Variants in AGBL1 observed in about 807,000 individuals in gnomAD.
AGBL1 encodes cytosolic carboxypeptidase 4.
Under a neutral mutation model 118.9 loss-of-function variants are expected in AGBL1, and 130 were observed. The ratio of observed to expected loss-of-function variants is 1.09; its 90% CI spans 0.95 to 1.26. AGBL1 has a LOEUF of 1.26. AGBL1 is among the 50% of genes most tolerant of loss of function. The pLI is 0.00. For missense variants in AGBL1, 1,584 were observed against 1,298.1 expected (o/e 1.22, Z -3.38); for synonymous variants, 555 against 478.9 (o/e 1.16, Z -2.08).
intron 17 of AGBL1, among the ~76,000 whole-genome samples, chr15:86,343,670 G>T (rs1022414204): frequency 2.6e-5 from 4 of 152,204 alleles, no homozygotes; most frequent in African/African-American, 9.7e-5. Flanking sequence ...ATTGGGAGAG[G>T]AGGGGAAGGC....
rs2076968885 is a variant in AGBL1 at position 86,141,954 on chromosome 15, A to G, written c.52-50A>G. ...TTCCATGTACATCCCTGATCATCCA[A>G]CTCCTTCCTCTTGCATTCTTAAATA... On this transcript the variant is annotated intron_variant, in intron 1 of 22. Coordinates refer to ENST00000614907, the MANE Select transcript of AGBL1 (RefSeq NM_001386094.1). The G allele has an allele frequency of 9.9e-6, 15 of 1,517,240 alleles. No individual in the cohort carries two copies. The Admixed American group carries it at 1.2e-4, about 12-fold the overall frequency. The allele number at this position is 1,517,240 out of a possible 1,614,324, so 94.0% of individuals were successfully genotyped here.
intron 17 of AGBL1, among the ~76,000 whole-genome samples, chr15:86,375,778 T>C (rs1472071372): frequency 1.3e-5 from 2 of 152,196 alleles, no homozygotes; most frequent in East Asian, 3.9e-4. Flanking sequence ...AGTTACTTTA[T>C]AGTTTACTGA....
chr15:86,791,728 T>TATATATATATATATATATATATA (rs1177264209), intron 22 of AGBL1, among the ~76,000 whole-genome samples: 1 of 142,872 alleles, frequency 7.0e-6, no homozygotes, highest in South Asian at 2.2e-4. Flanking sequence ...TCCTTGTTTT[T>TATATATATATATATATATATATA]TATATATATA....
At position 86,143,860 on chromosome 15, in the gene AGBL1, A is replaced by G. The variant is rs769546280; in HGVS notation, c.262+15A>G. On this transcript the variant is annotated intron_variant, in intron 3 of 22. Coordinates refer to ENST00000614907, the MANE Select transcript of AGBL1 (RefSeq NM_001386094.1). ...TGGCCTAAGAGGTACTCGTACTCCA[A>G]GACCTAAAGCTGACTGAAAAGGCAC... The G allele has an allele frequency of 1.2e-6, 2 of 1,612,814 alleles. No homozygotes were observed. Among genetic ancestry groups the G allele is most frequent in the South Asian group, 2.2e-5 (2 of 90,938 alleles).
chr15:86,974,454 T>G (rs1367481903), intron 23 of AGBL1, among the ~76,000 whole-genome samples: 2 of 129,050 alleles, frequency 1.5e-5, no homozygotes, highest in Non-Finnish European at 3.2e-5. Context: ...ATTTTATATA[T>G]TGAATATAAA....
intron 17 of AGBL1, among the ~76,000 whole-genome samples, chr15:86,389,806 G>A (rs1482169673): frequency 2.6e-5 from 4 of 151,678 alleles, no homozygotes; most frequent in Admixed American, 6.6e-5. Context: ...GGAGAAAAAA[G>A]AAACAATGGG....
intron 18 of AGBL1, among the ~76,000 whole-genome samples, chr15:86,419,524 C>T (rs1375756321): frequency 1.3e-5 from 2 of 151,924 alleles, no homozygotes; most frequent in East Asian, 3.9e-4. Flanking sequence ...AAGCACAAAA[C>T]TGGGTGGCTG....
chr15:86,500,809 A>G (rs979823428), intron 18 of AGBL1, among the ~76,000 whole-genome samples: 11 of 151,744 alleles, frequency 7.2e-5, no homozygotes, highest in Non-Finnish European at 1.6e-4. Flanking sequence ...GGTTTCATCT[A>G]TGGTGTTGAA....
At chr15:86,135,260 T>C (rs1263688797) in intron 1 of AGBL1, among the ~76,000 whole-genome samples, 4 of 152,212 alleles carry the variant, frequency 2.6e-5, no homozygotes, top group Non-Finnish European at 5.9e-5. Flanking sequence ...TCCTCTTGCC[T>C]CATACCATGA....
chr15:86,224,723 G>A (rs540860405), intron 5 of AGBL1, among the ~76,000 whole-genome samples, 191 bp from the exon 6 acceptor site: 1 of 152,208 alleles, frequency 6.6e-6, no homozygotes, highest in African/African-American at 2.4e-5. Context: ...TCTACAAGAC[G>A]GACACTTCGC....
At chr15:86,917,872 A>AG (rs397937633), downstream of AGBL1, among the ~76,000 whole-genome samples, 1 of 151,820 alleles carries the variant, frequency 6.6e-6, no homozygotes, top group African/African-American at 2.4e-5. This position sits in a 1 kb window ranked among gnomAD's most constrained non-coding sequence, Gnocchi z 4.8. Context: ...CTCATAAAAA[A>AG]GTGATGTCCA....
intron 17 of AGBL1, among the ~76,000 whole-genome samples, chr15:86,369,572 A>G (rs1263946918): frequency 2.6e-5 from 4 of 152,186 alleles, no homozygotes; most frequent in Admixed American, 1.3e-4. Flanking sequence ...GTATGTAACC[A>G]GTAATACCAA....
chr15:87,025,931 G>A (rs149710613), intron 24 of AGBL1, among the ~76,000 whole-genome samples: 1 of 152,150 alleles, frequency 6.6e-6, no homozygotes, highest in Non-Finnish European at 1.5e-5. Flanking sequence ...TCAACAAATG[G>A]TGCTGGGATA....
intron 21 of AGBL1, among the ~76,000 whole-genome samples, chr15:86,656,074 C>A (rs1364889786): frequency 6.6e-6 from 1 of 152,078 alleles, no homozygotes; most frequent in African/African-American, 2.4e-5. Flanking sequence ...TGCTTCCAGG[C>A]CCTTTTCTGC....
chr15:86,236,952 CG>C (rs1398987301), intron 6 of AGBL1, among the ~76,000 whole-genome samples: 23 of 10,270 alleles, frequency 2.2e-3, no homozygotes, highest in Non-Finnish European at 3.2e-3. Flanking sequence ...CGGGGGGGGG[CG>C]GGGGGGCGCC....
At chr15:86,948,468 T>C (rs1051754837) in intron 23 of AGBL1, among the ~76,000 whole-genome samples, 2 of 152,204 alleles carry the variant, frequency 1.3e-5, no homozygotes, top group Non-Finnish European at 2.9e-5. Context: ...AATGAATCTA[T>C]TTAAAAAAGG....
At chr15:86,630,399 G>C (rs2084945570) in intron 21 of AGBL1, 1 of 152,230 alleles carries the variant, frequency 6.6e-6, no homozygotes, top group Non-Finnish European at 1.5e-5. Context: ...ATGGAATGGA[G>C]AGCCAGAGTG....
intron 18 of AGBL1, among the ~76,000 whole-genome samples, chr15:86,456,516 C>T (rs940649487): frequency 6.6e-6 from 1 of 152,138 alleles, no homozygotes; most frequent in African/African-American, 2.4e-5. Context: ...AGAAAAACCT[C>T]TAACTATTGT....
At chr15:86,954,161 C>G (rs748472071) in intron 23 of AGBL1, among the ~76,000 whole-genome samples, 18 of 152,236 alleles carry the variant, frequency 1.2e-4, no homozygotes, top group Middle Eastern at 3.4e-3. Context: ...TCTGGTGAGG[C>G]TGCAGAGAAA....
Sources: allele counts gnomAD v4.1 joint callset (sites outside exome capture counted in the v4.1 genomes callset), GRCh38; gene constraint gnomAD v4.1.1; non-coding constraint Gnocchi (gnomAD v3.1); transcripts MANE v1.5; gene names NCBI Gene and HGNC (gene_info 2026-07-23, HGNC 2026-07-21).